DENND1A: variants seen among roughly 807,000 people sequenced by gnomAD.
DENND1A encodes the protein DENN domain containing 1A, also known as DENN domain-containing protein 1A.
DENND1A carries 51 observed loss-of-function variants against 113.7 expected under a neutral mutation model. The observed-to-expected ratio is 0.45, with a 90% confidence interval of 0.36 to 0.57. DENND1A has a LOEUF of 0.57. DENND1A is among the 20% of genes least tolerant of loss of function. The pLI, the probability that DENND1A is intolerant of heterozygous loss-of-function variation, is 0.00. For synonymous variants in DENND1A, 565 were observed against 570.8 expected (o/e 0.99, Z 0.14); for missense variants, 1,258 against 1,395.9 (o/e 0.90, Z 1.57).
Position 123,407,621 on chromosome 9 carries a change from A to G in DENND1A, c.1543-4131T>C, listed in dbSNP as rs115337505. Among the ~76,000 whole-genome samples, 468 of 152,250 alleles carry G rather than the reference A, an allele frequency of 3.1e-3. 4 individuals carry two copies. The highest frequency in any genetic ancestry group is 0.01 in the African/African-American group (422 of 41,560). On this transcript the variant is annotated intron_variant, in intron 20 of 23. Coordinates refer to ENST00000394215, the MANE Select transcript of DENND1A (RefSeq NM_001352964.2). ...TTAGGAAGGGTGGGTACTGGTGATG[A>G]AGGAAGAAACCCACAGGCACACACA... is the stretch of plus-strand genomic sequence containing the variant.
chr9:123,690,079 AGG>A (rs2065078349), intron 5 of DENND1A, among the ~76,000 whole-genome samples: 1 of 82,194 alleles, frequency 1.2e-5, no homozygotes, highest in African/African-American at 4.8e-5. Context: ...GGAGGGAAGA[AGG>A]AAAGGAGGGA....
At chr9:123,499,213 T>C (rs948289508) in intron 13 of DENND1A, among the ~76,000 whole-genome samples, 2 of 151,810 alleles carry the variant, frequency 1.3e-5, no homozygotes, top group African/African-American at 4.9e-5. Context: ...TTTGTATTTT[T>C]AGTAGAGAGG....
At chr9:123,476,073 T>C (rs2049884710) in intron 13 of DENND1A, among the ~76,000 whole-genome samples, 1 of 152,000 alleles carries the variant, frequency 6.6e-6, no homozygotes, top group African/African-American at 2.4e-5. Flanking sequence ...TAATCCCAGC[T>C]ACTTTGGAGG....
intron 11 of DENND1A, among the ~76,000 whole-genome samples, chr9:123,595,131 G>A (rs1334013527): frequency 2.0e-5 from 3 of 152,162 alleles, no homozygotes; most frequent in Non-Finnish European, 4.4e-5. Flanking sequence ...GTTCAGAGGA[G>A]CCCTGAAAAC....
At chr9:123,746,129 A>G (rs1447133371) in intron 5 of DENND1A, among the ~76,000 whole-genome samples, 1 of 152,228 alleles carries the variant, frequency 6.6e-6, no homozygotes, top group African/African-American at 2.4e-5. Flanking sequence ...TATAATGTGT[A>G]TATGTACATT....
chr9:123,658,727 A>C (rs1204675804), intron 8 of DENND1A, among the ~76,000 whole-genome samples: 1 of 152,210 alleles, frequency 6.6e-6, no homozygotes, highest in Admixed American at 6.5e-5. Context: ...TCATTCGTTC[A>C]GTCAATAAAT....
At chr9:123,401,846 C>T (rs756296821) in intron 21 of DENND1A, 1 of 1,614,222 alleles carries the variant, frequency 6.2e-7, no homozygotes, top group Admixed American at 1.7e-5. Flanking sequence ...TCGTCGGGAA[C>T]TTGGCCGCAA....
intron 21 of DENND1A, among the ~76,000 whole-genome samples, chr9:123,398,073 C>T (rs1364902535): frequency 2.0e-5 from 3 of 152,222 alleles, no homozygotes; most frequent in Non-Finnish European, 4.4e-5. Context: ...GCTGCAAGCC[C>T]CTTAACCCTT....
At chr9:123,473,911 T>G (rs1238882466) in intron 13 of DENND1A, among the ~76,000 whole-genome samples, 1 of 151,948 alleles carries the variant, frequency 6.6e-6, no homozygotes, top group Non-Finnish European at 1.5e-5. Context: ...CTGCTGGTAT[T>G]GGCCATGGGT....
intron 5 of DENND1A, among the ~76,000 whole-genome samples, chr9:123,725,406 C>T (rs2067629938): frequency 6.6e-6 from 1 of 152,214 alleles, no homozygotes; most frequent in South Asian, 2.1e-4. Flanking sequence ...CTGCCCGGGA[C>T]TACAGGTTCT....
At chr9:123,463,566 G>A (rs2048703437) in intron 13 of DENND1A, among the ~76,000 whole-genome samples, 1 of 152,010 alleles carries the variant, frequency 6.6e-6, no homozygotes, top group Non-Finnish European at 1.5e-5. Flanking sequence ...ATTCTTATGA[G>A]AAATGGAAAG....
At chr9:123,461,294 G>C (rs2048502811) in intron 13 of DENND1A, among the ~76,000 whole-genome samples, 2 of 152,280 alleles carry the variant, frequency 1.3e-5, no homozygotes, top group Middle Eastern at 3.4e-3. Context: ...GGAGCTCAAG[G>C]GGCCAGAGGC....
At chr9:123,451,631 T>G (rs929410675) in intron 17 of DENND1A, among the ~76,000 whole-genome samples, 1 of 152,168 alleles carries the variant, frequency 6.6e-6, no homozygotes, top group Non-Finnish European at 1.5e-5. Context: ...TGGGGATTCC[T>G]GCAGGAAGGC....
chr9:123,703,666 A>C (rs2066010479), intron 5 of DENND1A, among the ~76,000 whole-genome samples: 1 of 152,162 alleles, frequency 6.6e-6, no homozygotes, highest in African/African-American at 2.4e-5. Context: ...AACTTGAATG[A>C]ATCTCAAAAA....
chr9:123,525,168 A>C (rs959366433), intron 13 of DENND1A, among the ~76,000 whole-genome samples: 1 of 152,206 alleles, frequency 6.6e-6, no homozygotes, highest in African/African-American at 2.4e-5. Flanking sequence ...CAAGATCTGA[A>C]ACCAGGCAAG....
At chr9:123,898,182 C>T in intron 1 of DENND1A, among the ~76,000 whole-genome samples, 1 of 152,060 alleles carries the variant, frequency 6.6e-6, no homozygotes, top group East Asian at 1.9e-4. Flanking sequence ...TTCCTAATGA[C>T]TAAAATGATG....
intron 13 of DENND1A, among the ~76,000 whole-genome samples, chr9:123,502,861 C>T (rs965036443): frequency 1.3e-5 from 2 of 152,214 alleles, no homozygotes; most frequent in Non-Finnish European, 2.9e-5. Flanking sequence ...CACTAACTTT[C>T]TAACATGGCT....
chr9:123,811,713 C>T (rs999564293), intron 2 of DENND1A, among the ~76,000 whole-genome samples: 12 of 152,100 alleles, frequency 7.9e-5, no homozygotes, highest in African/African-American at 2.4e-4. Flanking sequence ...GAGCGGAGAT[C>T]GCACCACTGC....
chr9:123,650,090 T>G (rs994110064), intron 9 of DENND1A, among the ~76,000 whole-genome samples: 4 of 152,244 alleles, frequency 2.6e-5, no homozygotes, highest in African/African-American at 9.6e-5. Flanking sequence ...TAACTGGTTA[T>G]GGACTAGACT....
Sources: gnomAD v4.1 joint callset for allele counts (sites outside exome capture counted in the v4.1 genomes callset) on GRCh38, gnomAD v4.1.1 for gene constraint, MANE v1.5 for transcripts, NCBI Gene and HGNC (gene_info 2026-07-23, HGNC 2026-07-21) for gene names.